Variants in DPP10 observed in about 807,000 individuals in gnomAD.
The protein encoded by DPP10 is inactive dipeptidyl peptidase 10.
In DPP10, 33 loss-of-function variants were observed where a neutral mutation model predicts 120.9. The observed-to-expected ratio is 0.27, with a 90% CI of 0.21 to 0.37. DPP10 has a LOEUF of 0.37. DPP10 is among the 10% of genes least tolerant of loss of function. The pLI is 1.00. For synonymous variants in DPP10, 337 were observed against 326.1 expected (o/e 1.03, Z -0.36); for missense variants, 816 against 942.8 (o/e 0.87, Z 1.76).
intron 3 of DPP10, among the ~76,000 whole-genome samples, chr2:115,415,846 T>TATATAC (rs1223004115): frequency 7.9e-6 from 1 of 126,332 alleles, no homozygotes; most frequent in Non-Finnish European, 1.6e-5. Flanking sequence ...TGCTTTTATA[T>TATATAC]ATATATATAT....
chr2:114,629,881 A>G (rs996081354), intron 1 of DPP10, among the ~76,000 whole-genome samples: 8 of 152,192 alleles, frequency 5.3e-5, no homozygotes, highest in African/African-American at 1.9e-4. Context: ...ACCAATGAAT[A>G]AGTTTTGAAT....
intron 9 of DPP10, among the ~76,000 whole-genome samples, chr2:115,740,478 A>G (rs1364322151): frequency 6.6e-6 from 1 of 152,146 alleles, no homozygotes; most frequent in Non-Finnish European, 1.5e-5. Context: ...GAATAGACTA[A>G]GCAGAAAGCA....
Position 115,843,315 on chromosome 2 carries a change from A to G in DPP10, c.*970A>G, listed in dbSNP as rs1456836028. 2.0e-5 allele frequency: 3 copies of G among 152,634 alleles called. No homozygotes were observed. Among genetic ancestry groups the G allele is most frequent in the African/African-American group, 7.2e-5 (3 of 41,466 alleles). 9.5% of individuals were successfully genotyped at this position (152,634 alleles called of 1,614,324 possible). ...TTAAATTATAGTTTCTGATAAAGAA[A>G]TTTTGTTAACAATGCAATGCCACTG... On this transcript the variant is annotated 3_prime_UTR_variant, in exon 26 of 26. Coordinates refer to ENST00000410059, the MANE Select transcript of DPP10 (RefSeq NM_020868.6).
intron 1 of DPP10, among the ~76,000 whole-genome samples, chr2:114,693,822 GA>G: frequency 6.6e-6 from 1 of 151,654 alleles, no homozygotes. Context: ...TCTTATTTCA[GA>G]AAGATAGTCT....
chr2:115,822,104 G>T, intron 21 of DPP10, among the ~76,000 whole-genome samples: 1 of 151,988 alleles, frequency 6.6e-6, no homozygotes, highest in South Asian at 2.1e-4. Context: ...TTCGTTTGTA[G>T]TTTACTGATA....
intron 1 of DPP10, among the ~76,000 whole-genome samples, chr2:114,858,697 T>C (rs757844921): frequency 2.6e-5 from 4 of 152,178 alleles, no homozygotes; most frequent in Non-Finnish European, 4.4e-5. Flanking sequence ...TGAGTTCCAG[T>C]TAGATTTTAT....
chr2:114,455,727 TTG>T lies in DPP10; in HGVS notation c.60+12891_60+12892del, dbSNP rs1306687920. Among the ~76,000 whole-genome samples, 662 of 66,222 alleles carry T rather than the reference TTG, an allele frequency of 1.0e-2. 6 individuals are homozygous for T. The highest frequency in any genetic ancestry group is 0.025 in the African/African-American group (637 of 25,564). 43.4% of individuals were successfully genotyped at this position (66,222 alleles called of 152,430 possible). On this transcript the variant is annotated intron_variant, in intron 1 of 25. Transcript: ENST00000410059. ...GAAAGTCTCATACCCACAAATTCAT[TTG>T]TTTTTTTTTTTTTTTACCATTTTCA...
intron 1 of DPP10, among the ~76,000 whole-genome samples, chr2:115,179,281 A>G (rs1390343635): frequency 1.3e-5 from 2 of 152,224 alleles, no homozygotes; most frequent in East Asian, 1.9e-4. Flanking sequence ...TTATAATAAG[A>G]AAGATTATAT....
At chr2:114,777,950 G>A (rs1681909387) in intron 1 of DPP10, among the ~76,000 whole-genome samples, 1 of 151,884 alleles carries the variant, frequency 6.6e-6, no homozygotes, top group South Asian at 2.1e-4. Context: ...TGGACTTTAG[G>A]GTCAATAATC....
Position 115,673,029 on chromosome 2 carries a change from G to A in DPP10, c.442-16658G>A, listed in dbSNP as rs1258935272. The stretch of plus-strand genomic sequence containing the variant: ...CTCCCAAAGTGCTGGGATTACAGGT[G>A]TAAGCCACTGCGCCCGACTATCATG... On this transcript the variant is annotated intron_variant, in intron 5 of 25. Coordinates refer to ENST00000410059, the MANE Select transcript of DPP10 (RefSeq NM_020868.6). Among the ~76,000 whole-genome samples, 3 of 152,088 alleles carry A rather than the reference G, an allele frequency of 2.0e-5. No homozygotes were observed. In the South Asian group the frequency reaches 6.2e-4, roughly 32 times the overall value.
At chr2:115,114,686 T>A (rs995263773) in intron 1 of DPP10, among the ~76,000 whole-genome samples, 5 of 152,190 alleles carry the variant, frequency 3.3e-5, no homozygotes, top group Admixed American at 6.5e-5. Flanking sequence ...TATTTTTTGG[T>A]ACTGATAACA....
chr2:114,459,047 G>A (rs932846107), intron 1 of DPP10, among the ~76,000 whole-genome samples: 7 of 152,172 alleles, frequency 4.6e-5, no homozygotes, highest in Admixed American at 1.3e-4. Context: ...TGAGAAAGAG[G>A]AGAATAATAT....
chr2:114,799,677 T>C (rs796818273), intron 1 of DPP10, among the ~76,000 whole-genome samples: 13 of 152,358 alleles, frequency 8.5e-5, no homozygotes, highest in African/African-American at 3.1e-4. Context: ...AACTAGTTTT[T>C]GTTTTTACAC....
intron 1 of DPP10, among the ~76,000 whole-genome samples, chr2:115,088,744 G>T (rs147493787): frequency 0.075 from 660 of 8,820 alleles, 4 homozygotes; most frequent in Non-Finnish European, 0.23. Flanking sequence ...GAGCCACTGT[G>T]CCTGACAAAA....
At chr2:114,593,089 G>A (rs911532466) in intron 1 of DPP10, among the ~76,000 whole-genome samples, 1 of 152,134 alleles carries the variant, frequency 6.6e-6, no homozygotes, top group African/African-American at 2.4e-5. Flanking sequence ...TTTATCAACA[G>A]TTAAACATTT....
intron 1 of DPP10, among the ~76,000 whole-genome samples, chr2:114,736,805 G>A (rs1397266057): frequency 6.6e-6 from 1 of 152,146 alleles, no homozygotes; most frequent in Non-Finnish European, 1.5e-5. Context: ...TGGATGTTTT[G>A]CATGGTATAG....
intron 1 of DPP10, among the ~76,000 whole-genome samples, chr2:114,580,031 G>A (rs554763570): frequency 6.6e-6 from 1 of 152,232 alleles, no homozygotes; most frequent in South Asian, 2.1e-4. Context: ...TTCCCTTGTA[G>A]GTCAGATAAC....
At chr2:115,283,205 C>T (rs1217239152) in intron 1 of DPP10, among the ~76,000 whole-genome samples, 3 of 151,956 alleles carry the variant, frequency 2.0e-5, no homozygotes, top group Admixed American at 2.0e-4. Flanking sequence ...TGATGCATAT[C>T]ACTCAATTAC....
intron 1 of DPP10, among the ~76,000 whole-genome samples, chr2:114,816,629 C>T (rs115689372): frequency 0.011 from 1,612 of 152,128 alleles, 36 homozygotes; most frequent in African/African-American, 0.036. Context: ...TGTATTCATT[C>T]GCTTATTGAT....
Sources: gnomAD v4.1 joint callset for allele counts (sites outside exome capture counted in the v4.1 genomes callset) on GRCh38, gnomAD v4.1.1 for gene constraint, MANE v1.5 for transcripts, NCBI Gene and HGNC (gene_info 2026-07-23, HGNC 2026-07-21) for gene names.